Variants in GLIS3 observed in about 807,000 individuals in gnomAD.
The protein encoded by GLIS3 is zinc finger protein GLIS3.
Under a neutral mutation model 78.6 loss-of-function variants are expected in GLIS3, and 53 were observed. That is an observed-to-expected ratio of 0.67 (90% CI 0.54 to 0.85). GLIS3 has a LOEUF of 0.85. Among genes scored for constraint, GLIS3 ranks in the 40% least tolerant of loss-of-function variants. The probability of loss-of-function intolerance (pLI) is 0.00; values close to 1 mark genes in which losing one functional copy is unlikely to be tolerated. For synonymous variants in GLIS3, 684 were observed against 509.9 expected (o/e 1.34, Z -4.60); for missense variants, 1,703 against 1,231.1 (o/e 1.38, Z -5.74).
At chr9:4,276,563 G>A (rs1240819085) in intron 2 of GLIS3, among the ~76,000 whole-genome samples, 2 of 141,028 alleles carry the variant, frequency 1.4e-5, no homozygotes, top group African/African-American at 5.3e-5. Flanking sequence ...GGAGGGGAGG[G>A]GAGGGAAGAG....
At chr9:4,115,647 T>C (rs1052904088) in intron 4 of GLIS3, among the ~76,000 whole-genome samples, 1 of 151,998 alleles carries the variant, frequency 6.6e-6, no homozygotes, top group African/African-American at 2.4e-5. Context: ...CAGATGACAA[T>C]GTAGCAACCT....
chr9:4,195,889 T>G (rs997352778), intron 2 of GLIS3, among the ~76,000 whole-genome samples: 9 of 152,254 alleles, frequency 5.9e-5, no homozygotes, highest in Non-Finnish European at 1.3e-4. Context: ...CTTTTATGTC[T>G]AGCTAGAGGA....
the GLIS3 span, among the ~76,000 whole-genome samples, chr9:4,369,447 G>T: frequency 6.6e-6 from 1 of 152,152 alleles, no homozygotes; most frequent in African/African-American, 2.4e-5. Flanking sequence ...TGCTCCAAGG[G>T]TAGGTTTCTG....
At chr9:4,259,353 C>T (rs1825290916) in intron 2 of GLIS3, among the ~76,000 whole-genome samples, 1 of 151,994 alleles carries the variant, frequency 6.6e-6, no homozygotes, top group Non-Finnish European at 1.5e-5. Flanking sequence ...TTCCACCTTC[C>T]CCTTTACATA....
chr9:3,956,028 C>CCAAAAAAAAAAAAAAA (rs1491307787), intron 4 of GLIS3, among the ~76,000 whole-genome samples: 3 of 87,628 alleles, frequency 3.4e-5, no homozygotes, highest in Non-Finnish European at 6.9e-5. Flanking sequence ...CCAGATTCAG[C>CCAAAAAAAAAAAAAAA]AAAAAAAAAA....
chr9:4,298,955 G>A (rs10974444), intron 1 of GLIS3, among the ~76,000 whole-genome samples: 1 of 151,980 alleles, frequency 6.6e-6, no homozygotes, highest in Non-Finnish European at 1.5e-5. Flanking sequence ...GTGTGCGCGA[G>A]AGACCTCACG....
At chr9:4,181,770 C>T (rs1181808176) in intron 2 of GLIS3, among the ~76,000 whole-genome samples, 1 of 152,094 alleles carries the variant, frequency 6.6e-6, no homozygotes, top group Non-Finnish European at 1.5e-5. Context: ...TGCTGGGAGT[C>T]CTGTGATCAC....
chr9:4,354,993 G>A, the GLIS3 span, among the ~76,000 whole-genome samples: 3 of 152,132 alleles, frequency 2.0e-5, no homozygotes, highest in East Asian at 3.9e-4. Flanking sequence ...GCGGGTGCCT[G>A]TAGTCCCAGG....
At chr9:4,373,586 T>C in the GLIS3 span, among the ~76,000 whole-genome samples, 4 of 152,060 alleles carry the variant, frequency 2.6e-5, no homozygotes, top group African/African-American at 9.7e-5. Context: ...GGCCAAGTTA[T>C]CCTTTTGGGA....
intron 9 of GLIS3, among the ~76,000 whole-genome samples, chr9:3,851,082 C>G (rs1162621538): frequency 6.6e-6 from 1 of 152,192 alleles, no homozygotes; most frequent in Non-Finnish European, 1.5e-5. Context: ...AACTTGGTGT[C>G]TCCTTGATGG....
At chr9:3,967,085 A>G (rs1332394199) in intron 4 of GLIS3, among the ~76,000 whole-genome samples, 2 of 150,568 alleles carry the variant, frequency 1.3e-5, no homozygotes, top group African/African-American at 4.9e-5. Flanking sequence ...GATACTGTAC[A>G]TGCAATTCTT....
the GLIS3 span, among the ~76,000 whole-genome samples, chr9:4,479,718 T>G: frequency 6.6e-6 from 1 of 151,994 alleles, no homozygotes; most frequent in Non-Finnish European, 1.5e-5. Context: ...CACCCCAGGT[T>G]AGGAAGGGGC....
chr9:4,197,778 T>C (rs1819000906), intron 2 of GLIS3, among the ~76,000 whole-genome samples: 1 of 152,122 alleles, frequency 6.6e-6, no homozygotes, highest in Non-Finnish European at 1.5e-5. Context: ...CGCCAGCTCT[T>C]ACTCATCTGC....
At chr9:4,358,438 C>A in the GLIS3 span, among the ~76,000 whole-genome samples, 35 of 152,252 alleles carry the variant, frequency 2.3e-4, no homozygotes, top group Admixed American at 7.8e-4. Context: ...GTGAAATTTT[C>A]TCATTTCATG....
chr9:4,053,213 G>A (rs1337050859), intron 4 of GLIS3, among the ~76,000 whole-genome samples: 1 of 152,036 alleles, frequency 6.6e-6, no homozygotes, highest in East Asian at 1.9e-4. Flanking sequence ...CCTCCCAAAG[G>A]GCTATGATTA....
chr9:3,866,134 T>C (rs947058060), intron 8 of GLIS3, among the ~76,000 whole-genome samples: 1 of 152,196 alleles, frequency 6.6e-6, no homozygotes, highest in Non-Finnish European at 1.5e-5. Flanking sequence ...TCCACATTCA[T>C]TCATTTCACA....
Position 4,118,898 on chromosome 9 carries a change from A to G in GLIS3, c.597-17T>C. ...ATAAGGGACCTGGAACAGCAGCCAG[A>G]AAGGAAGAAAAAAAAAAGATAAACA... On this transcript the variant is annotated splice_polypyrimidine_tract_variant and intron_variant, in intron 3 of 10. Transcript: ENST00000381971. This position sits in a 1 kb window ranked among gnomAD's most constrained non-coding sequence, Gnocchi z 4.7. 2 of 1,598,430 alleles carry G rather than the reference A, an allele frequency of 1.3e-6. No homozygotes were observed. Among genetic ancestry groups the G allele is most frequent in the Non-Finnish European group, 1.7e-6 (2 of 1,179,102 alleles).
chr9:3,959,287 A>G (rs1366981086), intron 4 of GLIS3, among the ~76,000 whole-genome samples: 1 of 152,214 alleles, frequency 6.6e-6, no homozygotes, highest in Non-Finnish European at 1.5e-5. Flanking sequence ...TCAGCCAGGA[A>G]GTAGGCTCTC....
intron 9 of GLIS3, among the ~76,000 whole-genome samples, chr9:3,832,718 C>G (rs1563757866): frequency 6.6e-6 from 1 of 152,226 alleles, no homozygotes; most frequent in Non-Finnish European, 1.5e-5. Context: ...AATGTAATCT[C>G]TCCTGAGCAA....
Sources: allele counts gnomAD v4.1 joint callset (sites outside exome capture counted in the v4.1 genomes callset), GRCh38; gene constraint gnomAD v4.1.1; non-coding constraint Gnocchi (gnomAD v3.1); transcripts MANE v1.5; gene names NCBI Gene and HGNC (gene_info 2026-07-23, HGNC 2026-07-21).